ASIC2: variants seen among roughly 807,000 people sequenced by gnomAD.
The protein encoded by ASIC2 is acid sensing ion channel subunit 2, also known as acid-sensing ion channel 2.
A neutral mutation model predicts 57.3 loss-of-function variants in ASIC2; 25 were observed. The observed-to-expected ratio is 0.44, with a 90% CI of 0.32 to 0.61. The LOEUF is 0.61. Among genes scored for constraint, ASIC2 ranks in the 20% least tolerant of loss-of-function variants. The pLI is 0.06. For missense variants in ASIC2, 641 were observed against 738.1 expected, an observed-to-expected ratio of 0.87 and a Z score of 1.52; for synonymous variants, 319 against 307.5, an observed-to-expected ratio of 1.04 and a Z score of -0.39.
chr17:33,528,374 A>G (rs185627955), intron 1 of ASIC2, among the ~76,000 whole-genome samples: 15 of 152,284 alleles, frequency 9.9e-5, no homozygotes, highest in Non-Finnish European at 1.3e-4. Flanking sequence ...CAGAGCACCA[A>G]CAACCCTGAT....
At chr17:33,617,505 G>A (rs72827228) in intron 1 of ASIC2, among the ~76,000 whole-genome samples, 2,305 of 129,438 alleles carry the variant, frequency 0.018, 25 homozygotes, top group Non-Finnish European at 0.026. Flanking sequence ...CTGGAGGGTG[G>A]AGGGAGGGAG....
chr17:34,016,803 A>G (rs1414728148), intron 1 of ASIC2, among the ~76,000 whole-genome samples: 3 of 152,208 alleles, frequency 2.0e-5, no homozygotes, highest in African/African-American at 7.2e-5. Context: ...TCATGTTTAT[A>G]TGTTACTTTT....
chr17:33,707,973 C>T (rs1304922577), intron 1 of ASIC2, among the ~76,000 whole-genome samples: 1 of 152,168 alleles, frequency 6.6e-6, no homozygotes, highest in Non-Finnish European at 1.5e-5. Flanking sequence ...GTTTTCAGCA[C>T]AGTAATCTGC....
chr17:34,109,882 TTATC>T (rs1480879694), intron 1 of ASIC2, among the ~76,000 whole-genome samples: 3 of 152,208 alleles, frequency 2.0e-5, no homozygotes, highest in Admixed American at 6.5e-5. Context: ...TTCTCTCTCT[TTATC>T]TATCTATCGT....
At chr17:33,328,274 G>A (rs1907159073) in intron 1 of ASIC2, among the ~76,000 whole-genome samples, 1 of 152,166 alleles carries the variant, frequency 6.6e-6, no homozygotes. Context: ...AGTGAGTTAG[G>A]AAAGTGAGAA....
At chr17:34,086,664 G>T (rs1375362623) in intron 1 of ASIC2, among the ~76,000 whole-genome samples, 1 of 152,140 alleles carries the variant, frequency 6.6e-6, no homozygotes, top group African/African-American at 2.4e-5. Flanking sequence ...TTATTAATGT[G>T]TGGGACTCTA....
Position 33,291,442 on chromosome 17 carries a change from C to A in ASIC2, c.674G>T (p.Arg225Leu). ...LEDMLLSCKYRGELCGPHNFS... is the reference protein window; with the variant it reads ...LEDMLLSCKYLGELCGPHNFS... ...GTTGTGCGGCCCGCAGAGCTCGCCG[C>A]GGTACTTGCAGGAGAGCAGCATGTC... is the stretch of plus-strand genomic sequence containing the variant. Residue 225 changes from arginine to leucine, a missense_variant, in exon 1 of 10, where the codon CGC (arginine) becomes CTC (leucine). By Grantham distance (102) the Arg-to-Leu change is moderately radical. Transcript: ENST00000225823. 1 of 1,607,208 alleles carries A rather than the reference C, an allele frequency of 6.2e-7. No individual in the cohort carries two copies. The highest frequency in any genetic ancestry group is 8.5e-7 in the Non-Finnish European group (1 of 1,176,762).
chr17:34,024,523 A>G (rs945079987), intron 1 of ASIC2, among the ~76,000 whole-genome samples: 1 of 152,182 alleles, frequency 6.6e-6, no homozygotes, highest in Non-Finnish European at 1.5e-5. Context: ...TTTTCTTTCC[A>G]TTTACTTTCC....
chr17:33,232,158 G>A (rs1908115651), intron 1 of ASIC2, among the ~76,000 whole-genome samples: 1 of 152,136 alleles, frequency 6.6e-6, no homozygotes, highest in South Asian at 2.1e-4. Flanking sequence ...GGTCATGCGG[G>A]TGGAACTATC....
intron 1 of ASIC2, among the ~76,000 whole-genome samples, chr17:33,899,455 C>T (rs567879763): frequency 6.6e-6 from 1 of 152,172 alleles, no homozygotes; most frequent in African/African-American, 2.4e-5. Flanking sequence ...GGGGCAATAC[C>T]GCCAGAGGGT....
intron 1 of ASIC2, among the ~76,000 whole-genome samples, chr17:33,377,432 T>A (rs998708241): frequency 2.6e-5 from 4 of 152,228 alleles, no homozygotes; most frequent in Admixed American, 6.5e-5. Flanking sequence ...TAATGGCTCC[T>A]TGAGAATTTC....
chr17:33,362,765 A>T (rs1266880982), intron 1 of ASIC2, among the ~76,000 whole-genome samples: 1 of 152,152 alleles, frequency 6.6e-6, no homozygotes, highest in Non-Finnish European at 1.5e-5. Context: ...CTGACATGAA[A>T]GAGACGCTCT....
chr17:33,411,519 G>A (rs1910659392), intron 1 of ASIC2, among the ~76,000 whole-genome samples: 2 of 152,154 alleles, frequency 1.3e-5, no homozygotes, highest in African/African-American at 4.8e-5. Flanking sequence ...GATTTTGGAG[G>A]AAGAGAAGCT....
At chr17:33,503,890 C>T (rs1465680257) in intron 1 of ASIC2, among the ~76,000 whole-genome samples, 1 of 152,220 alleles carries the variant, frequency 6.6e-6, no homozygotes, top group African/African-American at 2.4e-5. Flanking sequence ...CATTACACCA[C>T]ACCCATAATA....
intron 1 of ASIC2, among the ~76,000 whole-genome samples, chr17:33,949,744 G>A (rs1447990076): frequency 1.3e-5 from 2 of 152,156 alleles, no homozygotes; most frequent in Non-Finnish European, 2.9e-5. Flanking sequence ...ATCGTGTTTG[G>A]TACCAATCTT....
intron 1 of ASIC2, among the ~76,000 whole-genome samples, chr17:33,366,917 C>T (rs73287814): frequency 0.025 from 3,777 of 152,316 alleles, 148 homozygotes; most frequent in African/African-American, 0.079. Flanking sequence ...TTGCAATGAG[C>T]ATACACTTTG....
chr17:33,895,290 G>C (rs1057033370), intron 1 of ASIC2, among the ~76,000 whole-genome samples: 3 of 151,934 alleles, frequency 2.0e-5, no homozygotes, highest in African/African-American at 7.3e-5. Flanking sequence ...AGCCTCCTGA[G>C]TAGCTGGGAT....
Position 33,291,964 on chromosome 17 carries a change from G to C in ASIC2, c.152C>G (p.Pro51Arg). ...TGGCCGCCCCCTGCGGGCGACCCCT[G>C]GCCCCTGCAGCGCCCGCTCGCCGCC... ...GRGGERALQG[P>R]GVARRGRPSL... The change falls in exon 1 of 10, where the codon CCA becomes CGA. Residue 51 changes from proline to arginine, a missense_variant. Around this residue, in one of 3 missense-constraint regions of ASIC2, gnomAD observed 382 missense variants for 398.0 expected, o/e 0.96. Transcript: ENST00000225823. The C allele has an allele frequency of 7.3e-7, 1 of 1,369,656 alleles. No individual in the cohort carries two copies. The highest frequency in any genetic ancestry group is 9.3e-7 in the Non-Finnish European group (1 of 1,072,966). 84.8% of individuals were successfully genotyped at this position (1,369,656 alleles called of 1,614,324 possible).
chr17:33,507,672 G>A (rs962014017), intron 1 of ASIC2, among the ~76,000 whole-genome samples: 1 of 152,154 alleles, frequency 6.6e-6, no homozygotes, highest in African/African-American at 2.4e-5. Context: ...GGGAGGCAGA[G>A]GCAGGTGGAG....
Sources: allele counts gnomAD v4.1 joint callset (sites outside exome capture counted in the v4.1 genomes callset), GRCh38; gene constraint gnomAD v4.1.1; regional missense constraint gnomAD v4.1.1; transcripts MANE v1.5; gene names NCBI Gene and HGNC (gene_info 2026-07-23, HGNC 2026-07-21).